The following DNHD1 variants were observed in gnomAD, a reference collection of about 807,000 sequenced individuals.
The protein encoded by DNHD1 is dynein heavy chain domain 1.
Under a neutral mutation model 458.1 loss-of-function variants are expected in DNHD1, and 383 were observed. The observed-to-expected ratio is 0.84, with a 90% CI of 0.77 to 0.91. The LOEUF (loss-of-function observed/expected upper bound fraction) is 0.91, where lower values mean the gene tolerates loss of function less well. DNHD1 is among the 40% of genes least tolerant of loss of function. The pLI is 0.00. For synonymous variants in DNHD1, 2,203 were observed against 2,376.9 expected (o/e 0.93, Z 2.13); for missense variants, 5,336 against 5,866.1 (o/e 0.91, Z 2.95).
rs1027453410 is a variant in DNHD1, at chr11:6,498,854, T to G, written c.639T>G (p.Asp213Glu). ...QVALEEAVWL[D>E]GLSLLPLALA... is the part of the protein sequence containing the mutation. ...CCCTAGAAGAGGCTGTGTGGCTGGATGGACTTAGTCTCCTTCCCTTGGCAC... is the reference window on the plus strand; with the variant it reads ...CCCTAGAAGAGGCTGTGTGGCTGGAGGGACTTAGTCTCCTTCCCTTGGCAC... The change falls in exon 3 of 43, where the codon GAT (aspartate) becomes GAG (glutamate). Residue 213 changes from aspartate to glutamate, a missense_variant. By Grantham distance (45) the Asp-to-Glu change is conservative. This residue lies in a region of DNHD1 where 3,932 missense variants were observed against 4,365.6 expected (regional missense o/e 0.90). Coordinates refer to ENST00000254579, the MANE Select transcript of DNHD1 (RefSeq NM_144666.3). The G allele has an allele frequency of 6.2e-7, 1 of 1,614,210 alleles. No homozygotes were observed. Among genetic ancestry groups the G allele is most frequent in the Non-Finnish European group, 8.5e-7 (1 of 1,180,050 alleles).
intron 28 of DNHD1, among the ~76,000 whole-genome samples, chr11:6,560,662 T>C (rs1853568184): frequency 1.3e-5 from 2 of 152,148 alleles, no homozygotes; most frequent in Non-Finnish European, 2.9e-5. Context: ...GTTCGTAGTC[T>C]CAGGGTCATT....
intron 24 of DNHD1, among the ~76,000 whole-genome samples, chr11:6,549,193 C>T (rs553520873): frequency 1.1e-4 from 16 of 152,284 alleles, no homozygotes; most frequent in African/African-American, 3.9e-4. Context: ...GTCTACTGTA[C>T]GTCTCCACCT....
rs750459092 is a variant in DNHD1, at chr11:6,567,187, A to G, written c.11678A>G (p.Lys3893Arg). The change falls in exon 36 of 43, where the codon AAG (lysine) becomes AGG (arginine). Residue 3893 changes from lysine (K) to arginine (R), a missense_variant. Coordinates refer to ENST00000254579, the MANE Select transcript of DNHD1 (RefSeq NM_144666.3). Reference protein sequence around the residue: ...AVTKQALDSMKPREINHGEDL... With the variant: ...AVTKQALDSMRPREINHGEDL... Reference sequence around the variant, plus strand: ...ACTAAGCAGGCTCTGGACAGCATGAAGCCACGTGAGATTAATCACGGGGAG... The same window carrying G: ...ACTAAGCAGGCTCTGGACAGCATGAGGCCACGTGAGATTAATCACGGGGAG... 3.7e-6 allele frequency: 6 copies of G among 1,613,928 alleles called. No individual in the cohort carries two copies. Among genetic ancestry groups the G allele is most frequent in the East Asian group, 2.2e-5 (1 of 44,902 alleles).
chr11:6,540,437 A>T (rs1462063767), intron 18 of DNHD1, among the ~76,000 whole-genome samples: 1 of 152,180 alleles, frequency 6.6e-6, no homozygotes, highest in Non-Finnish European at 1.5e-5. Context: ...TTATTCATTA[A>T]TTCATTTCTT....
rs1483798714 is a variant in DNHD1 at position 6,545,315 on chromosome 11, T to G, written c.4376T>G (p.Leu1459Arg). The change falls in exon 21 of 43, where the codon CTG becomes CGG. Residue 1459 changes from leucine (L) to arginine (R), a missense_variant. Leu to Arg is a moderately radical substitution (Grantham distance 102, BLOSUM62 -2). Around this residue, in one of 4 missense-constraint regions of DNHD1, gnomAD observed 3,932 missense variants for 4,365.6 expected, o/e 0.90. Coordinates refer to ENST00000254579, the MANE Select transcript of DNHD1 (RefSeq NM_144666.3). This position sits in a 1 kb window ranked among gnomAD's most constrained non-coding sequence, Gnocchi z 4.9. The part of the protein sequence containing the change: ...ASLEKCLRLA[L>R]VHMLQGCVAA... ...CTGGAGAAGTGTCTGCGCTTGGCAC[T>G]GGTGCACATGCTGCAGGGCTGTGTG... is the stretch of plus-strand genomic sequence containing the variant. 6.4e-7 allele frequency: 1 copy of G among 1,551,746 alleles called. No individual in the cohort carries two copies. Among genetic ancestry groups the G allele is most frequent in the South Asian group, 1.2e-5 (1 of 84,068 alleles).
rs1206855234 is a variant in DNHD1, at chr11:6,519,996, A to G, written c.1679A>G (p.Gln560Arg). The G allele has an allele frequency of 6.2e-7, 1 of 1,614,066 alleles. No homozygotes were observed. The highest frequency in any genetic ancestry group is 8.5e-7 in the Non-Finnish European group (1 of 1,180,026). Residue 560 changes from glutamine (Q) to arginine (R), a missense_variant, in exon 9 of 43, where the codon CAG becomes CGG. This residue lies in a region of DNHD1 where 3,932 missense variants were observed against 4,365.6 expected (regional missense o/e 0.90). Transcript: ENST00000254579. ...AGGCAGAAACCCTTTCTCTCATCAC[A>G]GCTGGTCTTTGATGATCATGGTCAA... ...APRQKPFLSSQLVFDDHGQLS... is the reference protein window; with the variant it reads ...APRQKPFLSSRLVFDDHGQLS...
At chr11:6,515,070 C>T (rs556147972) in intron 7 of DNHD1, among the ~76,000 whole-genome samples, 1 of 152,276 alleles carries the variant, frequency 6.6e-6, no homozygotes, top group South Asian at 2.1e-4. Context: ...TGAGTTAAGC[C>T]CTCTTAGCTC....
chr11:6,518,406 T>TGG (rs1214552095), intron 7 of DNHD1, among the ~76,000 whole-genome samples: 1 of 152,216 alleles, frequency 6.6e-6, no homozygotes, highest in East Asian at 1.9e-4. Context: ...CCCCTAGTAT[T>TGG]GGTGCTTTAA....
At chr11:6,504,278 G>A (rs1852188673) in intron 4 of DNHD1, 2 of 152,244 alleles carry the variant, frequency 1.3e-5, no homozygotes, top group Non-Finnish European at 2.9e-5. Flanking sequence ...CTGGGGCTGA[G>A]ATTCTGCAAA....
intron 3 of DNHD1, among the ~76,000 whole-genome samples, chr11:6,499,677 C>CA: frequency 6.6e-6 from 1 of 151,298 alleles, no homozygotes; most frequent in South Asian, 2.1e-4. Flanking sequence ...AAGTGATTCT[C>CA]CTGCCTCAGC....
chr11:6,557,307 T>C lies in DNHD1; in HGVS notation c.8012T>C (p.Leu2671Pro). The change falls in exon 25 of 43, where the codon CTG (leucine) becomes CCG (proline). Residue 2671 changes from leucine to proline, a missense_variant. This residue lies in a region of DNHD1 where 3,932 missense variants were observed against 4,365.6 expected (regional missense o/e 0.90). Coordinates refer to ENST00000254579, the MANE Select transcript of DNHD1 (RefSeq NM_144666.3). ...AGGGAACGCTCCTACTGTGCCAAGC[T>C]GCTCCTAGTAGTAGCTCAAAGTGTC... ...SPRERSYCAK[L>P]LLVVAQSVFC... is the part of the protein sequence containing the mutation. The C allele has an allele frequency of 6.4e-7, 1 of 1,551,630 alleles. No individual in the cohort carries two copies. The highest frequency in any genetic ancestry group is 8.7e-7 in the Non-Finnish European group (1 of 1,147,014).
chr11:6,542,498 C>T (rs1027640278), intron 18 of DNHD1, among the ~76,000 whole-genome samples: 1 of 152,206 alleles, frequency 6.6e-6, no homozygotes, highest in African/African-American at 2.4e-5. Context: ...TCCCTTCTCT[C>T]TCTAAGCTAG....
At chr11:6,507,102 T>C (rs1025997908) in intron 4 of DNHD1, among the ~76,000 whole-genome samples, 1 of 152,180 alleles carries the variant, frequency 6.6e-6, no homozygotes, top group African/African-American at 2.4e-5. Context: ...TAGTATCATG[T>C]CATACTCCAG....
chr11:6,539,475 T>C (rs1418184268), intron 17 of DNHD1, among the ~76,000 whole-genome samples, 162 bp downstream of exon 17: 1 of 152,164 alleles, frequency 6.6e-6, no homozygotes, highest in African/African-American at 2.4e-5. Context: ...CAGATGGGGA[T>C]CTCTTGTGTG....
At chr11:6,504,471 C>T (rs1443883508) in intron 4 of DNHD1, among the ~76,000 whole-genome samples, 1 of 152,192 alleles carries the variant, frequency 6.6e-6, no homozygotes, top group Non-Finnish European at 1.5e-5. Context: ...TTTTTTGAGA[C>T]AGAGTTTCAC....
rs1449376334 is a variant in DNHD1, at chr11:6,570,247, CTTCAG to C, written c.12959_12963del (p.Ser4320PhefsTer10). ...TGAGAGACTCTAACCTCATCTTCAG[CTTCAG>C]TTTTCTACGGGGGTCCTCTGGGGGA... On this transcript the variant is annotated frameshift_variant and splice_region_variant, in exon 41 of 43. Coordinates refer to ENST00000254579, the MANE Select transcript of DNHD1 (RefSeq NM_144666.3). LOFTEE classifies it high-confidence loss of function. 3.7e-6 allele frequency: 6 copies of C among 1,613,662 alleles called. No homozygotes were observed. The Admixed American group carries it at 1.0e-4, about 27-fold the overall frequency.
intron 7 of DNHD1, among the ~76,000 whole-genome samples, chr11:6,514,115 G>A (rs1304392594): frequency 1.3e-5 from 2 of 151,914 alleles, no homozygotes; most frequent in African/African-American, 4.8e-5. Flanking sequence ...CGAAGTACTG[G>A]GATTACAGGT....
At chr11:6,511,468 G>C (rs773093475) in intron 7 of DNHD1, 39 bp downstream of exon 7, 1 of 1,604,462 alleles carries the variant, frequency 6.2e-7, no homozygotes, top group Non-Finnish European at 8.5e-7. Context: ...TCTTCCCCAA[G>C]TTGAGCTCCC....
At chr11:6,539,816 C>T in intron 17 of DNHD1, 60 bp from the exon 18 acceptor site, 1 of 1,483,346 alleles carries the variant, frequency 6.7e-7, no homozygotes, top group South Asian at 1.2e-5. Context: ...CAAGTCTCGG[C>T]TCCAAGCCTG....
Sources: gnomAD v4.1 joint callset for allele counts (sites outside exome capture counted in the v4.1 genomes callset) on GRCh38, gnomAD v4.1.1 for gene constraint, gnomAD v4.1.1 regional missense constraint, Gnocchi (gnomAD v3.1) non-coding constraint, MANE v1.5 for transcripts, NCBI Gene and HGNC (gene_info 2026-07-23, HGNC 2026-07-21) for gene names.